Variants in DLX5 observed in about 807,000 individuals in gnomAD.
DLX5 encodes distal-less homeobox 5, also known as homeobox protein DLX-5.
Under a neutral mutation model 27.1 loss-of-function variants are expected in DLX5, and 8 were observed. That is an observed-to-expected ratio of 0.30 (90% CI 0.17 to 0.53). The LOEUF is 0.53. Among genes scored for constraint, DLX5 ranks in the 20% least tolerant of loss-of-function variants. The probability of loss-of-function intolerance (pLI) is 0.95; values close to 1 mark genes in which losing one functional copy is unlikely to be tolerated. For missense variants in DLX5, 339 were observed against 375.1 expected (o/e 0.90, Z 0.80); for synonymous variants, 178 against 161.9 (o/e 1.10, Z -0.75).
In DLX5 at chr7:97,024,737, G is replaced by C; in HGVS notation, c.-114C>G. On this transcript the variant is annotated 5_prime_UTR_variant, in exon 1 of 3. Transcript: ENST00000648378. The surrounding 1 kb of genome is among the most constrained non-coding windows in gnomAD (Gnocchi z 4.6). ...ACATGGCTGTGGGAGCGAGGGAGGAGGAGGAAGAGGAGGAGGAGAGAAGGA... is the reference window on the plus strand; with the variant it reads ...ACATGGCTGTGGGAGCGAGGGAGGACGAGGAAGAGGAGGAGGAGAGAAGGA... 2 of 890,072 alleles carry C rather than the reference G, an allele frequency of 2.2e-6. No homozygotes were observed. The highest frequency in any genetic ancestry group is 1.7e-6 in the Non-Finnish European group (1 of 588,344). 55.1% of individuals were successfully genotyped at this position (890,072 alleles called of 1,614,324 possible).
intron 2 of DLX5, chr7:97,021,909 C>A: frequency 1.7e-6 from 1 of 601,094 alleles, no homozygotes; most frequent in Non-Finnish European, 3.0e-6. Flanking sequence ...CGCTTGCTTT[C>A]AACCCGCGAA....
intron 2 of DLX5, chr7:97,021,862 G>C (rs1790070970): frequency 3.4e-6 from 2 of 584,214 alleles, no homozygotes; most frequent in African/African-American, 1.9e-5. Flanking sequence ...CCAGATAGCT[G>C]CTCTGGGCTG....
Position 97,020,758 on chromosome 7 carries a change from A to G in DLX5, c.848T>C (p.Leu283Pro). The G allele has an allele frequency of 6.3e-7, 1 of 1,599,884 alleles. No individual in the cohort carries two copies. The highest frequency in any genetic ancestry group is 8.5e-7 in the Non-Finnish European group (1 of 1,170,510). The change falls in exon 3 of 3, where the codon CTG becomes CCG. Residue 283 changes from leucine (L) to proline (P), a missense_variant. Around this residue, in one of 3 missense-constraint regions of DLX5, gnomAD observed 136 missense variants for 130.3 expected, o/e 1.04. Transcript: ENST00000648378. Reference sequence around the variant, plus strand: ...CATCTAATAGAGTGTCCCGGAGGCCAGCGCCAGCGGGTGCTGTAAGGAGCC... The same window carrying G: ...CATCTAATAGAGTGTCCCGGAGGCCGGCGCCAGCGGGTGCTGTAAGGAGCC... The part of the protein sequence containing the change: ...PPGSLQHPLA[L>P]ASGTLY
chr7:97,021,908 T>G, intron 2 of DLX5: 1 of 600,820 alleles, frequency 1.7e-6, no homozygotes, highest in Non-Finnish European at 3.0e-6. Flanking sequence ...CCGCTTGCTT[T>G]CAACCCGCGA....
intron 2 of DLX5, 113 bp downstream of exon 2, chr7:97,022,072 T>C: frequency 7.7e-7 from 1 of 1,290,588 alleles, no homozygotes; most frequent in South Asian, 1.2e-5. Flanking sequence ...TTTGGGTCTG[T>C]TAGTTTCTCA....
intron 1 of DLX5, among the ~76,000 whole-genome samples, chr7:97,023,540 T>G (rs892157716): frequency 2.6e-5 from 4 of 151,804 alleles, no homozygotes; most frequent in African/African-American, 9.7e-5. Flanking sequence ...CCGCCCAAGC[T>G]CACTAACCCT....
At chr7:97,022,444 G>A in intron 1 of DLX5, 75 bp from the exon 2 acceptor site, 1 of 1,586,314 alleles carries the variant, frequency 6.3e-7, no homozygotes, top group Non-Finnish European at 8.6e-7. Flanking sequence ...CTCAAATAGA[G>A]TCCTAGAGTT....
intron 2 of DLX5, 111 bp from the exon 3 acceptor site, chr7:97,021,176 C>T: frequency 9.9e-6 from 10 of 1,008,572 alleles, no homozygotes; most frequent in Non-Finnish European, 1.4e-5. Context: ...CCAGCCCTGC[C>T]TGGCGTCTCC....
Position 97,020,894 on chromosome 7 carries a change from G to T in DLX5, c.712C>A (p.His238Asn), listed in dbSNP as rs148894146. Residue 238 changes from histidine (H) to asparagine (N), a missense_variant, in exon 3 of 3, where the codon CAT becomes AAT. Physicochemically the swap from His to Asn is moderately conservative, Grantham distance 68. Transcript: ENST00000648378. ...TGGTTGGAGGTCGGAGGGTGGGCATGAGGGTGGTGGCTGAGCGAGCGGGAC... is the reference window on the plus strand; with the variant it reads ...TGGTTGGAGGTCGGAGGGTGGGCATTAGGGTGGTGGCTGAGCGAGCGGGAC... ...GSSRSLSHHP[H>N]AHPPTSNQSP... 425 of 1,614,048 alleles carry T rather than the reference G, an allele frequency of 2.6e-4. No homozygotes were observed. Among genetic ancestry groups the T allele is most frequent in the Non-Finnish European group, 3.3e-4 (387 of 1,180,042 alleles).
At chr7:97,023,174 G>A (rs1790111887) in intron 1 of DLX5, among the ~76,000 whole-genome samples, 1 of 150,860 alleles carries the variant, frequency 6.6e-6, no homozygotes. Flanking sequence ...GTTTTCGTAG[G>A]AAAGGGGCGG....
At chr7:97,022,589 T>C in intron 1 of DLX5, 4 of 985,466 alleles carry the variant, frequency 4.1e-6, no homozygotes, top group Non-Finnish European at 4.8e-6. Flanking sequence ...TTCATTCAGA[T>C]AGTTTGTGCA....
intron 2 of DLX5, chr7:97,021,971 G>C: frequency 1.6e-6 from 1 of 629,040 alleles, no homozygotes; most frequent in South Asian, 1.9e-5. Flanking sequence ...GGGGGGCGCG[G>C]TTAGTGGGAG....
Position 97,021,001 on chromosome 7 carries a change from G to A in DLX5, c.605C>T (p.Pro202Leu), listed in dbSNP as rs1356717816. ...IKKIMKNGEM[P>L]PEHSPSSSDP... Reference sequence around the variant, plus strand: ...GCTGGAGCTGGGACTGTGCTCCGGGGGCATCTCCCCGTTTTTCATGATCTT... The same window carrying A: ...GCTGGAGCTGGGACTGTGCTCCGGGAGCATCTCCCCGTTTTTCATGATCTT... Residue 202 changes from proline to leucine, a missense_variant, in exon 3 of 3, where the codon CCC (proline) becomes CTC (leucine). Physicochemically the swap from Pro to Leu is moderately conservative, Grantham distance 98. Transcript: ENST00000648378. 1 of 1,613,504 alleles carries A rather than the reference G, an allele frequency of 6.2e-7. No individual in the cohort carries two copies. The highest frequency in any genetic ancestry group is 8.5e-7 in the Non-Finnish European group (1 of 1,179,952).
intron 1 of DLX5, 107 bp from the exon 2 acceptor site, chr7:97,022,476 C>G: frequency 6.5e-7 from 1 of 1,542,780 alleles, no homozygotes. Flanking sequence ...AGTCTTCATT[C>G]TTTGCCCATA....
rs1373621244 is a variant in DLX5, at chr7:97,020,706, C to CA, written c.*29dup. The CA allele has an allele frequency of 1.3e-6, 2 of 1,510,286 alleles. No individual in the cohort carries two copies. 93.6% of individuals were successfully genotyped at this position (1,510,286 alleles called of 1,614,324 possible). ...CTAGAACAGCAAAACACAGTAGTCC[C>CA]AAAAAAGAGAGTAAGAGAGAGCAGC... On this transcript the variant is annotated 3_prime_UTR_variant, in exon 3 of 3. Coordinates refer to ENST00000648378, the MANE Select transcript of DLX5 (RefSeq NM_005221.6).
At chr7:97,023,809 A>G (rs961481412) in intron 1 of DLX5, among the ~76,000 whole-genome samples, 6 of 128,646 alleles carry the variant, frequency 4.7e-5, no homozygotes, top group African/African-American at 9.2e-5. Context: ...GCACCGTGCT[A>G]GCTTGTGGCG....
rs962752272 is a variant in DLX5 at position 97,024,259 on chromosome 7, G to A, written c.355+10C>T. On this transcript the variant is annotated intron_variant, in intron 1 of 2. Coordinates refer to ENST00000648378, the MANE Select transcript of DLX5 (RefSeq NM_005221.6). The surrounding 1 kb of genome is among the most constrained non-coding windows in gnomAD (Gnocchi z 4.6). ...CCTGTATCTGCCCAGCCTTCCCCCT[G>A]TCCATGTACCTGGCTGGTTGGTGGC... 1.7e-5 allele frequency: 28 copies of A among 1,610,176 alleles called. No individual in the cohort carries two copies. Among genetic ancestry groups the A allele is most frequent in the Admixed American group, 5.0e-5 (3 of 59,788 alleles).
chr7:97,023,337 G>GGTGTGTGT lies in DLX5; in HGVS notation c.355+924_355+931dup, dbSNP rs10525881. Reference sequence around the variant, plus strand: ...TGGAACTGACGGAGAACCTCTCCAGGGTGTGTGTGTGTGTGTGTGTGTGTG... The same window carrying GGTGTGTGT: ...TGGAACTGACGGAGAACCTCTCCAGGGTGTGTGTGTGTGTGTGTGTGTGTGTGTGTGTG... On this transcript the variant is annotated intron_variant, in intron 1 of 2. Coordinates refer to ENST00000648378, the MANE Select transcript of DLX5 (RefSeq NM_005221.6). 1.6e-3 allele frequency among the ~76,000 whole-genome samples: 228 copies of GGTGTGTGT among 145,506 alleles called. 1 individual carries two copies. Among genetic ancestry groups the GGTGTGTGT allele is most frequent in the African/African-American group, 4.0e-3 (158 of 39,124 alleles).
rs1790017679 is a variant in DLX5, at chr7:97,020,502, T to C, written c.*234A>G. 2 of 405,904 alleles carry C rather than the reference T, an allele frequency of 4.9e-6. No individual in the cohort carries two copies. The highest frequency in any genetic ancestry group is 4.4e-6 in the Non-Finnish European group (1 of 229,742). 25.1% of individuals were successfully genotyped at this position (405,904 alleles called of 1,614,324 possible). On this transcript the variant is annotated 3_prime_UTR_variant, in exon 3 of 3. Transcript: ENST00000648378. ...ACATTGAAAAAAGTCTTTTGAAAAG[T>C]TGAGGTCATAGATTTCAAGGCACCA...
Sources: gnomAD v4.1 joint callset for allele counts (sites outside exome capture counted in the v4.1 genomes callset) on GRCh38, gnomAD v4.1.1 for gene constraint, gnomAD v4.1.1 regional missense constraint, Gnocchi (gnomAD v3.1) non-coding constraint, MANE v1.5 for transcripts, NCBI Gene and HGNC (gene_info 2026-07-23, HGNC 2026-07-21) for gene names.